Variants in FRMPD3 observed in about 807,000 individuals in gnomAD.
The protein encoded by FRMPD3 is FERM and PDZ domain containing 3.
Under a neutral mutation model 97.9 loss-of-function variants are expected in FRMPD3, and 42 were observed. That is an observed-to-expected ratio of 0.43 (90% confidence interval 0.34 to 0.55). FRMPD3 has a LOEUF of 0.55. Ranked by LOEUF, FRMPD3 falls within the 20% of genes least tolerant of loss-of-function variation. FRMPD3 has a pLI of 0.03. For synonymous variants in FRMPD3, 577 were observed against 581.1 expected, an observed-to-expected ratio of 0.99 and a Z score of 0.10; for missense variants, 1,303 against 1,457.7, an observed-to-expected ratio of 0.89 and a Z score of 1.73.
rs41304446 is a variant in FRMPD3 at position 107,603,247 on chromosome X, A to G, written c.5208A>G (p.Gln1736=). The G allele has an allele frequency of 0.017, 18,780 of 1,120,924 alleles. 97 individuals carry two copies. Among genetic ancestry groups the G allele is most frequent in the Non-Finnish European group, 0.019 (16,533 of 847,901 alleles). The allele number at this position is 1,120,924 out of a possible 1,213,427, so 92.4% of individuals were successfully genotyped here. A position where few individuals can be genotyped will look rare whatever the true frequency, so the allele number is the denominator to read the frequency against. ...AACAACAACAGCAGCAGCAACAACA[A>G]CAGCAGCAGCAGCAGCAGCAGGTGG... The part of the protein sequence containing the change: ...QQQQQQQQQQ[Q]QQQQQQQVAA... The change falls in exon 15 of 15, where the codon CAA becomes CAG. Residue 1736 remains glutamine (Q), a synonymous_variant. Coordinates refer to ENST00000683843, the MANE Select transcript of FRMPD3 (RefSeq NM_001388459.1).
rs1468326958 is a variant in FRMPD3, at chrX:107,527,690, T to A, written c.148+954T>A. Among the ~76,000 whole-genome samples the A allele has an allele frequency of 3.5e-5, 4 of 112,721 alleles. No individual in the cohort carries two copies. The East Asian group carries it at 8.3e-4, about 23-fold the overall frequency. On this transcript the variant is annotated intron_variant, in intron 2 of 14. Transcript: ENST00000683843. The stretch of plus-strand genomic sequence containing the variant: ...GACTTGCTGGGCCTGAGGCTTTAGA[T>A]GTTTACAACAGTTTCTCGCTCAGTC...
chrX:107,562,743 C>T (rs1200705779), intron 10 of FRMPD3, among the ~76,000 whole-genome samples: 4 of 112,013 alleles, frequency 3.6e-5, no homozygotes, highest in Admixed American at 9.5e-5. Flanking sequence ...TGAGTGGGAC[C>T]CCCAGCTGGG....
Position 107,601,228 on chromosome X carries a change from C to T in FRMPD3, c.3189C>T (p.Ser1063=), listed in dbSNP as rs1400955050. The change falls in exon 15 of 15, where the codon AGC becomes AGT. Residue 1063 remains serine, a synonymous_variant. Transcript: ENST00000683843. ...SLPVQNFPPK[S]YLLRTSRESV... ...CTGTTCAAAATTTCCCTCCCAAAAG[C>T]TATCTTTTGCGAACAAGCCGAGAGT... is the stretch of plus-strand genomic sequence containing the variant. 8.3e-7 allele frequency: 1 copy of T among 1,206,966 alleles called. No individual in the cohort carries two copies. Among genetic ancestry groups the T allele is most frequent in the African/African-American group, 1.8e-5 (1 of 57,132 alleles).
Position 107,602,102 on chromosome X carries a change from A to G in FRMPD3, c.4063A>G (p.Thr1355Ala). 2 of 1,208,593 alleles carry G rather than the reference A, an allele frequency of 1.7e-6. No homozygotes were observed. Among genetic ancestry groups the G allele is most frequent in the Non-Finnish European group, 2.2e-6 (2 of 894,446 alleles). ...CATCAATGTCCAGCGCATTCGTTCT[A>G]CCAGCCTGGAGTCCCGAGAGTGCCG... ...SPINVQRIRS[T>A]SLESRECRSD... The change falls in exon 15 of 15, where the codon ACC (threonine) becomes GCC (alanine). Residue 1355 changes from threonine to alanine, a missense_variant. Thr to Ala is a moderately conservative substitution (Grantham distance 58, BLOSUM62 0). Around this residue, in one of 3 missense-constraint regions of FRMPD3, gnomAD observed 764 missense variants for 820.2 expected, o/e 0.93. Coordinates refer to ENST00000683843, the MANE Select transcript of FRMPD3 (RefSeq NM_001388459.1).
intron 1 of FRMPD3, among the ~76,000 whole-genome samples, chrX:107,458,876 G>A (rs1263080299): frequency 9.0e-6 from 1 of 111,419 alleles, no homozygotes; most frequent in East Asian, 2.8e-4. Flanking sequence ...GGCATAGAGA[G>A]GAGGGTCAAA....
At chrX:107,560,099 C>A (rs1329149073) in intron 8 of FRMPD3, among the ~76,000 whole-genome samples, 158 bp from the exon 9 acceptor site, 1 of 103,200 alleles carries the variant, frequency 9.7e-6, no homozygotes, top group Non-Finnish European at 2.0e-5. Context: ...TGAGCCTCCT[C>A]TGTTGTCTCT....
At chrX:107,529,873 C>T (rs922480456) in intron 2 of FRMPD3, among the ~76,000 whole-genome samples, 1 of 111,785 alleles carries the variant, frequency 8.9e-6, no homozygotes, top group Non-Finnish European at 1.9e-5. Context: ...CTAAGCAAGT[C>T]CCGCCTGTGA....
At position 107,487,090 on chromosome X, in the gene FRMPD3, CAA is replaced by C. The variant is rs372795639; in HGVS notation, c.-8+37099_-8+37100del. ...TGAAACCCCATCTCTACTAAAAATA[CAA>C]AAAAAAAAAAAAATAACTGAGCGTG... On this transcript the variant is annotated intron_variant, in intron 1 of 14. Transcript: ENST00000683843. Among the ~76,000 whole-genome samples, 197 of 67,565 alleles carry C rather than the reference CAA, an allele frequency of 2.9e-3. 1 individual carries two copies. Among genetic ancestry groups the C allele is most frequent in the African/African-American group, 0.01 (185 of 18,295 alleles). The allele number at this position is 67,565 out of a possible 115,157, so 58.7% of individuals were successfully genotyped here. A position where few individuals can be genotyped will look rare whatever the true frequency, so the allele number is the denominator to read the frequency against.
In FRMPD3 at chrX:107,517,311, C is replaced by T. The variant is rs765008171; in HGVS notation, c.-7-9271C>T. Among the ~76,000 whole-genome samples the T allele has an allele frequency of 8.1e-5, 9 of 111,458 alleles. No individual in the cohort carries two copies. In the East Asian group the frequency reaches 1.1e-3, roughly 14 times the overall value. ...ACAGGGTAGTGTATAGATTTGGTGGCGGTAAGATGAAGGAGCTCTCATCTG... is the reference window on the plus strand; with the variant it reads ...ACAGGGTAGTGTATAGATTTGGTGGTGGTAAGATGAAGGAGCTCTCATCTG... On this transcript the variant is annotated intron_variant, in intron 1 of 14. Coordinates refer to ENST00000683843, the MANE Select transcript of FRMPD3 (RefSeq NM_001388459.1).
chrX:107,554,807 G>A (rs944985977), intron 8 of FRMPD3: 9 of 252,015 alleles, frequency 3.6e-5, no homozygotes, highest in African/African-American at 1.6e-4. Flanking sequence ...AGCCCATTTC[G>A]GTTTCAACGG....
At chrX:107,472,837 C>T (rs1248719061) in intron 1 of FRMPD3, among the ~76,000 whole-genome samples, 1 of 112,553 alleles carries the variant, frequency 8.9e-6, no homozygotes, top group Non-Finnish European at 1.9e-5. Context: ...TATTTCTCAG[C>T]ACCTCCATTT....
intron 1 of FRMPD3, among the ~76,000 whole-genome samples, chrX:107,497,218 T>C (rs1921796718): frequency 8.9e-6 from 1 of 112,984 alleles, no homozygotes; most frequent in African/African-American, 3.2e-5. Flanking sequence ...AGCTTTTGGT[T>C]TTATTTTAGG....
intron 4 of FRMPD3, among the ~76,000 whole-genome samples, chrX:107,543,053 T>C (rs749263866): frequency 1.8e-5 from 2 of 112,305 alleles, no homozygotes; most frequent in South Asian, 7.5e-4. Context: ...AGTACCATCC[T>C]AGCCCAAGCC....
intron 13 of FRMPD3, among the ~76,000 whole-genome samples, chrX:107,585,571 G>A (rs983721511): frequency 3.6e-5 from 4 of 111,653 alleles, no homozygotes; most frequent in Admixed American, 2.9e-4. Context: ...GATATTGGCC[G>A]TGGGTTTGTC....
At chrX:107,492,245 G>A (rs1052993795) in intron 1 of FRMPD3, among the ~76,000 whole-genome samples, 1 of 111,748 alleles carries the variant, frequency 8.9e-6, no homozygotes, top group African/African-American at 3.3e-5. Context: ...ATTGAGCTTG[G>A]AGTCTTTGAA....
intron 1 of FRMPD3, chrX:107,522,557 A>G: frequency 2.1e-6 from 1 of 481,790 alleles, no homozygotes; most frequent in Non-Finnish European, 3.7e-6. Flanking sequence ...TGGGCCACCA[A>G]TGTGCTTAGC....
intron 1 of FRMPD3, among the ~76,000 whole-genome samples, 55 bp downstream of exon 1, chrX:107,450,060 G>C (rs1290181383): frequency 9.0e-6 from 1 of 110,705 alleles, no homozygotes; most frequent in Non-Finnish European, 1.9e-5. Context: ...CCCAACCGGG[G>C]GTGGGTCGCG....
At chrX:107,510,222 G>A (rs1320110081) in intron 1 of FRMPD3, among the ~76,000 whole-genome samples, 3 of 110,976 alleles carry the variant, frequency 2.7e-5, no homozygotes, top group Non-Finnish European at 5.7e-5. Context: ...AAAAAAAATC[G>A]TTTTTCCTAC....
chrX:107,574,998 A>G (rs1187677198), intron 12 of FRMPD3, among the ~76,000 whole-genome samples: 1 of 112,671 alleles, frequency 8.9e-6, no homozygotes, highest in Non-Finnish European at 1.9e-5. Flanking sequence ...TGGTCAAGCC[A>G]TAGTTAAAAT....
Sources: allele counts gnomAD v4.1 joint callset (sites outside exome capture counted in the v4.1 genomes callset), GRCh38; gene constraint gnomAD v4.1.1; regional missense constraint gnomAD v4.1.1; transcripts MANE v1.5; gene names NCBI Gene and HGNC (gene_info 2026-07-23, HGNC 2026-07-21).